ZNF737: variants seen among roughly 807,000 people sequenced by gnomAD.
ZNF737 encodes zinc finger protein 737.
Under a neutral mutation model 11.7 loss-of-function variants are expected in ZNF737, and 13 were observed. The observed-to-expected ratio is 1.11, with a 90% CI of 0.73 to 1.77. The LOEUF is 1.77. Among genes scored for constraint, ZNF737 ranks in the 40% most tolerant of loss-of-function variants. The pLI is 0.00. For synonymous variants in ZNF737, 217 were observed against 216.2 expected, an observed-to-expected ratio of 1.00 and a Z score of -0.03; for missense variants, 636 against 638.0, an observed-to-expected ratio of 1.00 and a Z score of 0.03.
At chr19:20,565,525 G>C (rs1333269921) in intron 1 of ZNF737, 113 bp downstream of exon 1, 1 of 1,559,406 alleles carries the variant, frequency 6.4e-7, no homozygotes, top group African/African-American at 1.4e-5. Context: ...GGAGAACTCA[G>C]GGTGCAGATT....
chr19:20,533,715 T>G (rs1967884816), downstream of ZNF737, among the ~76,000 whole-genome samples: 1 of 150,130 alleles, frequency 6.7e-6, no homozygotes, highest in South Asian at 2.2e-4. Context: ...AGGCCCTGCA[T>G]TTCTTTTTGG....
At chr19:20,557,185 T>C (rs1239441104) in intron 1 of ZNF737, among the ~76,000 whole-genome samples, 2 of 152,188 alleles carry the variant, frequency 1.3e-5, no homozygotes, top group African/African-American at 2.4e-5. Flanking sequence ...CTGGTTTTAA[T>C]AGAAGATTAA....
rs573902022 is a variant in ZNF737, at chr19:20,539,183, A to G, written c.*5409T>C. 1.6e-6 allele frequency: 1 copy of G among 631,472 alleles called. No homozygotes were observed. The highest frequency in any genetic ancestry group is 1.4e-4 in the East Asian group (1 of 7,162). The allele number at this position is 631,472 out of a possible 1,614,324, so 39.1% of individuals were successfully genotyped here. Reference sequence around the variant, plus strand: ...CGGGTGCCTGTTATCCCAGCTACTCAGGAGGCTGAGGCGGAAGAATCACTT... The same window carrying G: ...CGGGTGCCTGTTATCCCAGCTACTCGGGAGGCTGAGGCGGAAGAATCACTT... On this transcript the variant is annotated 3_prime_UTR_variant, in exon 4 of 4. Coordinates refer to ENST00000427401, the MANE Select transcript of ZNF737 (RefSeq NM_001159293.2).
chr19:20,541,206 TTTG>T lies in ZNF737; in HGVS notation c.*3383_*3385del. 1 of 983,300 alleles carries T rather than the reference TTTG, an allele frequency of 1.0e-6. No homozygotes were observed. The highest frequency in any genetic ancestry group is 1.1e-4 in the East Asian group (1 of 8,818). 60.9% of individuals were successfully genotyped at this position (983,300 alleles called of 1,614,324 possible). ...TTTGTTAATCACCTAAATAACATAA[TTTG>T]TTTTGTTGCAGTAATTGCTTTTATT... On this transcript the variant is annotated 3_prime_UTR_variant, in exon 4 of 4. Transcript: ENST00000427401.
At chr19:20,537,511 A>ATGTTTTTTTTTT (rs1968021251), downstream of ZNF737, among the ~76,000 whole-genome samples, 1 of 77,090 alleles carries the variant, frequency 1.3e-5, no homozygotes, top group African/African-American at 4.9e-5. Context: ...CTGGTTTTCT[A>ATGTTTTTTTTTT]TTTTTTTTTT....
rs1161975109 is a variant in ZNF737 at position 20,541,036 on chromosome 19, G to A, written c.*3556C>T. Reference sequence around the variant, plus strand: ...GGCTTTTATTATTGTACTCAAGAGAGTTGTTTCTGGAGACAAAGTTGCCTG... The same window carrying A: ...GGCTTTTATTATTGTACTCAAGAGAATTGTTTCTGGAGACAAAGTTGCCTG... On this transcript the variant is annotated 3_prime_UTR_variant, in exon 4 of 4. Coordinates refer to ENST00000427401, the MANE Select transcript of ZNF737 (RefSeq NM_001159293.2). 6.1e-6 allele frequency: 6 copies of A among 985,052 alleles called. No homozygotes were observed. In the African/African-American group the frequency reaches 1.0e-4, roughly 17 times the overall value. The allele number at this position is 985,052 out of a possible 1,614,324, so 61.0% of individuals were successfully genotyped here. A position where few individuals can be genotyped will look rare whatever the true frequency, so the allele number is the denominator to read the frequency against.
rs1445991222 is a variant in ZNF737, at chr19:20,552,335, A to G, written c.226+140T>C. 13 of 455,964 alleles carry G rather than the reference A, an allele frequency of 2.9e-5. No individual in the cohort carries two copies. In the Admixed American group the frequency reaches 5.6e-4, roughly 19 times the overall value. 28.2% of individuals were successfully genotyped at this position (455,964 alleles called of 1,614,324 possible). On this transcript the variant is annotated intron_variant, in intron 3 of 3. Transcript: ENST00000427401. ...TATAAGAGCAAAATTTAAAAAAGAA[A>G]AAAAAAAAAAAAACAGCTCCCAGGA...
chr19:20,537,628 T>C (rs139885767), downstream of ZNF737, among the ~76,000 whole-genome samples: 309 of 150,430 alleles, frequency 2.1e-3, 6 homozygotes, highest in East Asian at 0.054. Flanking sequence ...GTGATTCTTC[T>C]GCCTCAGCCT....
At position 20,541,929 on chromosome 19, in the gene ZNF737, T is replaced by A. The variant is rs904107168; in HGVS notation, c.*2663A>T. On this transcript the variant is annotated 3_prime_UTR_variant, in exon 4 of 4. Coordinates refer to ENST00000427401, the MANE Select transcript of ZNF737 (RefSeq NM_001159293.2). ...TGTAGGCCTGAGTCAAAAGATGCCATATAAGGCATAAATATATACACATAT... is the reference window on the plus strand; with the variant it reads ...TGTAGGCCTGAGTCAAAAGATGCCAAATAAGGCATAAATATATACACATAT... The A allele has an allele frequency of 1.3e-6, 1 of 766,530 alleles. No homozygotes were observed. The highest frequency in any genetic ancestry group is 1.6e-6 in the Non-Finnish European group (1 of 631,170). The allele number at this position is 766,530 out of a possible 1,614,324, so 47.5% of individuals were successfully genotyped here. A position where few individuals can be genotyped will look rare whatever the true frequency, so the allele number is the denominator to read the frequency against.
chr19:20,546,428 CAGTG>C (rs1162106556), intron 3 of ZNF737, among the ~76,000 whole-genome samples: 2 of 152,136 alleles, frequency 1.3e-5, no homozygotes, highest in Non-Finnish European at 2.9e-5. Flanking sequence ...CCACATCTAA[CAGTG>C]AGAATTTATA....
intron 1 of ZNF737, among the ~76,000 whole-genome samples, chr19:20,560,238 T>G (rs1366138234): frequency 6.7e-6 from 1 of 149,734 alleles, no homozygotes; most frequent in African/African-American, 2.5e-5. Context: ...TCCAAGCTAC[T>G]TGGGAACATG....
Position 20,541,513 on chromosome 19 carries a change from C to G in ZNF737, c.*3079G>C, listed in dbSNP as rs1599399210. ...CCAGGCTGGAGTGCAGTGGCATGAT[C>G]TCAGCTCACTGCAACCTCTGCCTCC... On this transcript the variant is annotated 3_prime_UTR_variant, in exon 4 of 4. Transcript: ENST00000427401. 3.5e-6 allele frequency: 2 copies of G among 574,216 alleles called. No homozygotes were observed. Among genetic ancestry groups the G allele is most frequent in the African/African-American group, 4.1e-5 (2 of 49,118 alleles). The allele number at this position is 574,216 out of a possible 1,614,324, so 35.6% of individuals were successfully genotyped here. A position where few individuals can be genotyped will look rare whatever the true frequency, so the allele number is the denominator to read the frequency against.
intron 1 of ZNF737, among the ~76,000 whole-genome samples, chr19:20,556,895 T>C (rs1385684550): frequency 2.0e-5 from 3 of 152,224 alleles, no homozygotes; most frequent in African/African-American, 7.2e-5. Flanking sequence ...GATTTAATTC[T>C]CATAACACCC....
intron 1 of ZNF737, among the ~76,000 whole-genome samples, chr19:20,564,361 T>A (rs1969216576): frequency 3.3e-5 from 5 of 152,198 alleles, no homozygotes; most frequent in African/African-American, 1.2e-4. Context: ...ATGTAACTCA[T>A]CAATTATCTA....
intron 1 of ZNF737, 89 bp downstream of exon 1, chr19:20,565,549 C>A: frequency 6.3e-7 from 1 of 1,599,658 alleles, no homozygotes; most frequent in African/African-American, 1.3e-5. Flanking sequence ...GAGCTGACTG[C>A]GCAGAGGCCT....
downstream of ZNF737, among the ~76,000 whole-genome samples, chr19:20,533,433 A>G (rs1303962040): frequency 6.7e-6 from 1 of 149,954 alleles, no homozygotes; most frequent in Non-Finnish European, 1.5e-5. Flanking sequence ...TTAGGTATGT[A>G]TATGAATATA....
At chr19:20,536,882 G>A (rs1967987378), downstream of ZNF737, among the ~76,000 whole-genome samples, 1 of 152,164 alleles carries the variant, frequency 6.6e-6, no homozygotes, top group Non-Finnish European at 1.5e-5. Context: ...GGCCAAGGTT[G>A]CAGTGAGCCA....
chr19:20,539,403 A>C lies in ZNF737; in HGVS notation c.*5189T>G. ...TTTCAGATTTCAAAAGGTCAAAAAC[A>C]ATCATTGAGCAAAGCTTAAATCTTG... is the stretch of plus-strand genomic sequence containing the variant. On this transcript the variant is annotated 3_prime_UTR_variant, in exon 4 of 4. Coordinates refer to ENST00000427401, the MANE Select transcript of ZNF737 (RefSeq NM_001159293.2). 1.0e-6 allele frequency: 1 copy of C among 985,456 alleles called. No homozygotes were observed. The highest frequency in any genetic ancestry group is 1.2e-6 in the Non-Finnish European group (1 of 829,936). The allele number at this position is 985,456 out of a possible 1,614,324, so 61.0% of individuals were successfully genotyped here.
intron 3 of ZNF737, 95 bp downstream of exon 3, chr19:20,552,380 A>G: frequency 1.2e-6 from 1 of 843,412 alleles, no homozygotes; most frequent in Non-Finnish European, 1.7e-6. Context: ...TTTGGAGCAC[A>G]GCTTCCCAAA....
Sources: gnomAD v4.1 joint callset for allele counts (sites outside exome capture counted in the v4.1 genomes callset) on GRCh38, gnomAD v4.1.1 for gene constraint, MANE v1.5 for transcripts, NCBI Gene and HGNC (gene_info 2026-07-23, HGNC 2026-07-21) for gene names.